Variants in TMEM242 observed in about 807,000 individuals in gnomAD.
TMEM242 encodes UPF0463 transmembrane protein C6orf35.
In TMEM242, 10 loss-of-function variants were observed where a neutral mutation model predicts 18.2. The observed-to-expected ratio is 0.55, with a 90% confidence interval of 0.34 to 0.93. The LOEUF is 0.93. Ranked by LOEUF, TMEM242 falls within the 40% of genes least tolerant of loss-of-function variation. The pLI is 0.02. For missense variants in TMEM242, 186 were observed against 175.5 expected (o/e 1.06, Z -0.34); for synonymous variants, 57 against 69.9 (o/e 0.81, Z 0.92).
chr6:157,323,180 ACGCC>A (rs1554250846), intron 1 of TMEM242, among the ~76,000 whole-genome samples: 1 of 152,162 alleles, frequency 6.6e-6, no homozygotes, highest in Non-Finnish European at 1.5e-5. Flanking sequence ...GAAATATGGC[ACGCC>A]CGGGAGAATA....
rs141389650 is a variant in TMEM242 at position 157,298,590 on chromosome 6, G to A, written c.328-5591C>T. The stretch of plus-strand genomic sequence containing the variant: ...AGGCCGTCCCAGAGGAAATGAAGGC[G>A]GTTTCAAGATGGGTCCATTATAAAA... On this transcript the variant is annotated intron_variant, in intron 3 of 3. Coordinates refer to ENST00000400788, the MANE Select transcript of TMEM242 (RefSeq NM_018452.6). 5.4e-3 allele frequency among the ~76,000 whole-genome samples: 828 copies of A among 152,154 alleles called. 8 individuals carry two copies. The highest frequency in any genetic ancestry group is 0.018 in the African/African-American group (760 of 41,504).
At chr6:157,308,008 G>C (rs868906441) in intron 3 of TMEM242, among the ~76,000 whole-genome samples, 21 of 152,314 alleles carry the variant, frequency 1.4e-4, no homozygotes, top group Non-Finnish European at 1.9e-4. Context: ...CACTTCCCCT[G>C]CAGATCCCTC....
At chr6:157,314,091 T>A (rs1583573743) in intron 3 of TMEM242, among the ~76,000 whole-genome samples, 1 of 131,558 alleles carries the variant, frequency 7.6e-6, no homozygotes, top group Admixed American at 7.8e-5. Flanking sequence ...AGAGCCCCAG[T>A]GTGCGCTCAC....
chr6:157,299,466 A>G, intron 3 of TMEM242: 1 of 1,388,876 alleles, frequency 7.2e-7, no homozygotes, highest in Non-Finnish European at 1.0e-6. Flanking sequence ...CAGTTTTCAG[A>G]GTGGATACCA....
intron 3 of TMEM242, among the ~76,000 whole-genome samples, chr6:157,296,410 A>C (rs1271922971): frequency 2.0e-5 from 3 of 152,110 alleles, no homozygotes; most frequent in Admixed American, 1.3e-4. Context: ...ACATGAGTGG[A>C]GTGTGGTGGC....
intron 3 of TMEM242, among the ~76,000 whole-genome samples, chr6:157,296,626 T>A (rs1224454011): frequency 6.6e-6 from 1 of 152,214 alleles, no homozygotes; most frequent in Non-Finnish European, 1.5e-5. Flanking sequence ...GAGGTTGCAA[T>A]GAGCCAAAAG....
chr6:157,309,304 A>G (rs1554248126), intron 3 of TMEM242, among the ~76,000 whole-genome samples: 1 of 152,148 alleles, frequency 6.6e-6, no homozygotes, highest in African/African-American at 2.4e-5. Flanking sequence ...AAACGAGTAC[A>G]TATTTTTATA....
intron 3 of TMEM242, among the ~76,000 whole-genome samples, chr6:157,312,857 T>C (rs1554249454): frequency 6.7e-6 from 1 of 148,604 alleles, no homozygotes. Context: ...CCTGGCCTCA[T>C]CATAGTGTCC....
At chr6:157,309,726 A>C (rs1031241778) in intron 3 of TMEM242, among the ~76,000 whole-genome samples, 17 of 152,210 alleles carry the variant, frequency 1.1e-4, no homozygotes, top group African/African-American at 2.9e-4. Context: ...GGGGTAAAAA[A>C]ACAAATCAAA....
chr6:157,313,137 T>A (rs797041453), intron 3 of TMEM242, among the ~76,000 whole-genome samples: 31 of 2,380 alleles, frequency 0.013, no homozygotes, highest in South Asian at 0.049. Context: ...CATCATAGTG[T>A]CCCAGTGTGC....
chr6:157,302,439 T>C (rs1284711507), intron 3 of TMEM242, among the ~76,000 whole-genome samples: 3 of 152,254 alleles, frequency 2.0e-5, no homozygotes, highest in Admixed American at 6.5e-5. Context: ...GGCTACTTTC[T>C]ATAGTCATTT....
chr6:157,299,623 G>A (rs1554247379), intron 3 of TMEM242: 1 of 1,601,948 alleles, frequency 6.2e-7, no homozygotes. Flanking sequence ...GCTTGCAGAG[G>A]GGGCTGTACT....
intron 3 of TMEM242, among the ~76,000 whole-genome samples, chr6:157,316,370 C>T (rs1554250339): frequency 6.6e-6 from 1 of 152,100 alleles, no homozygotes; most frequent in Non-Finnish European, 1.5e-5. Flanking sequence ...TTAATATCTG[C>T]TAGATAGTTA....
chr6:157,313,124 C>T (rs1554249629), intron 3 of TMEM242, among the ~76,000 whole-genome samples: 13 of 139,946 alleles, frequency 9.3e-5, no homozygotes, highest in East Asian at 4.5e-4. Context: ...GCTCACCCGG[C>T]CTCATCATAG....
rs1778075193 is a variant in TMEM242, at chr6:157,311,328, C to T, written c.327+7454G>A. Among the ~76,000 whole-genome samples the T allele has an allele frequency of 2.2e-5, 3 of 137,624 alleles. No individual in the cohort carries two copies. The Admixed American group carries it at 2.2e-4, about 10-fold the overall frequency. 90.3% of individuals were successfully genotyped at this position (137,624 alleles called of 152,430 possible). On this transcript the variant is annotated intron_variant, in intron 3 of 3. Coordinates refer to ENST00000400788, the MANE Select transcript of TMEM242 (RefSeq NM_018452.6). ...AGTGTCCCAGTGTGTGTTCACCTAG[C>T]CTCATCATAGTGTCCCAGTGTGCGC... is the stretch of plus-strand genomic sequence containing the variant.
intron 3 of TMEM242, among the ~76,000 whole-genome samples, chr6:157,306,394 T>C (rs1247808576): frequency 6.6e-6 from 1 of 152,182 alleles, no homozygotes; most frequent in Non-Finnish European, 1.5e-5. Context: ...ATGTGGTGAC[T>C]GATTAGATGC....
At chr6:157,319,401 G>A (rs1562388869) in intron 2 of TMEM242, among the ~76,000 whole-genome samples, 2 of 152,126 alleles carry the variant, frequency 1.3e-5, no homozygotes, top group South Asian at 4.1e-4. Flanking sequence ...TTAGTCTACC[G>A]ATTATGAGAC....
intron 3 of TMEM242, among the ~76,000 whole-genome samples, chr6:157,316,138 A>AACATC (rs1778386139): frequency 6.6e-6 from 1 of 152,216 alleles, no homozygotes; most frequent in Non-Finnish European, 1.5e-5. Flanking sequence ...AAACACTGGA[A>AACATC]ACATCACATA....
chr6:157,309,820 CTGA>C (rs1489326939), intron 3 of TMEM242, among the ~76,000 whole-genome samples: 1 of 146,614 alleles, frequency 6.8e-6, no homozygotes, highest in Non-Finnish European at 1.6e-5. Flanking sequence ...GACATTTTCA[CTGA>C]TGGTTTTTTA....
Sources: allele counts gnomAD v4.1 joint callset (sites outside exome capture counted in the v4.1 genomes callset), GRCh38; gene constraint gnomAD v4.1.1; transcripts MANE v1.5; gene names NCBI Gene and HGNC (gene_info 2026-07-23, HGNC 2026-07-21).